The following ARSB variants were observed in gnomAD, a reference collection of about 807,000 sequenced individuals.
ARSB encodes the protein N-acetylgalactosamine-4-sulfatase.
Under a neutral mutation model 50.9 loss-of-function variants are expected in ARSB, and 41 were observed. That is an observed-to-expected ratio of 0.81 (90% CI 0.63 to 1.04). The LOEUF is 1.04. Among genes scored for constraint, ARSB ranks in the 50% least tolerant of loss-of-function variants. The pLI is 0.00. For missense variants in ARSB, 672 were observed against 693.3 expected (o/e 0.97, Z 0.35); for synonymous variants, 269 against 284.8 (o/e 0.94, Z 0.56).
At chr5:78,962,588 T>C (rs3822576) in intron 3 of ARSB, among the ~76,000 whole-genome samples, 38,375 of 144,726 alleles carry the variant, frequency 0.27, 6,200 homozygotes, top group African/African-American at 0.47. Context: ...AGTGTAGTGG[T>C]GCGATCTCGG....
At chr5:78,937,997 A>G (rs1461295092) in intron 4 of ARSB, among the ~76,000 whole-genome samples, 1 of 152,166 alleles carries the variant, frequency 6.6e-6, no homozygotes, top group Non-Finnish European at 1.5e-5. Context: ...CTGTGGCCCA[A>G]CTCATGGTTT....
chr5:78,879,232 T>C (rs17819273), intron 5 of ARSB, among the ~76,000 whole-genome samples: 3,968 of 152,332 alleles, frequency 0.026, 118 homozygotes, highest in South Asian at 0.11. Flanking sequence ...TTGGTTTTCC[T>C]TTTTGTCAAT....
At chr5:78,944,098 G>A (rs983186649) in intron 4 of ARSB, among the ~76,000 whole-genome samples, 88 of 152,280 alleles carry the variant, frequency 5.8e-4, no homozygotes, top group Non-Finnish European at 9.8e-4. Context: ...CATTCGTCAC[G>A]TAGTTCTCGT....
At chr5:78,908,650 A>G (rs1247329555) in intron 4 of ARSB, among the ~76,000 whole-genome samples, 1 of 151,940 alleles carries the variant, frequency 6.6e-6, no homozygotes, top group African/African-American at 2.4e-5. Context: ...GTCTCCCGGG[A>G]GCCAGTGCTC....
chr5:78,903,442 C>T (rs1561492086), intron 4 of ARSB, among the ~76,000 whole-genome samples: 1 of 152,308 alleles, frequency 6.6e-6, no homozygotes, highest in East Asian at 1.9e-4. Flanking sequence ...TTATCAAAAC[C>T]CAGAGCTTCC....
At position 78,777,499 on chromosome 5, in the gene ARSB, G is replaced by C. The variant is rs1043932199; in HGVS notation, c.*2898C>G. ...ATTTTATTTTGTCCCCCAAATCTGG[G>C]GGGACAAAAGTAACAAAGAAAAATG... On this transcript the variant is annotated 3_prime_UTR_variant, in exon 8 of 8. Transcript: ENST00000264914. 6 of 152,276 alleles carry C rather than the reference G, an allele frequency of 3.9e-5. No individual in the cohort carries two copies. The highest frequency in any genetic ancestry group is 7.4e-5 in the Non-Finnish European group (5 of 67,974). The allele number at this position is 152,276 out of a possible 1,614,324, so 9.4% of individuals were successfully genotyped here.
chr5:78,784,497 G>C (rs1033849870), intron 6 of ARSB, among the ~76,000 whole-genome samples: 1 of 152,172 alleles, frequency 6.6e-6, no homozygotes. Context: ...CCACAAAAAA[G>C]AGTTTGTTGG....
At chr5:78,825,141 T>C (rs1459517709) in intron 6 of ARSB, among the ~76,000 whole-genome samples, 3 of 152,170 alleles carry the variant, frequency 2.0e-5, no homozygotes, top group Non-Finnish European at 4.4e-5. Context: ...CACCAAGTTA[T>C]CTAAAAGCAA....
rs1749895930 is a variant in ARSB, at chr5:78,922,991, T to A, written c.898+32304A>T. On this transcript the variant is annotated intron_variant, in intron 4 of 7. Transcript: ENST00000264914. ...GTTGGTCAGGACAAGGGAGTCAGTA[T>A]GAACATGTGACTATAAGGAAACGCT... 3.3e-5 allele frequency among the ~76,000 whole-genome samples: 5 copies of A among 152,154 alleles called. No homozygotes were observed. In the South Asian group the frequency reaches 1.0e-3, roughly 32 times the overall value.
intron 4 of ARSB, among the ~76,000 whole-genome samples, chr5:78,891,335 C>T (rs1748282151): frequency 6.6e-6 from 1 of 152,154 alleles, no homozygotes; most frequent in Non-Finnish European, 1.5e-5. Flanking sequence ...TAAATCAAAC[C>T]CTCAAATATC....
At chr5:78,863,642 G>T (rs1746561143) in intron 5 of ARSB, among the ~76,000 whole-genome samples, 2 of 152,034 alleles carry the variant, frequency 1.3e-5, no homozygotes, top group Admixed American at 6.5e-5. Flanking sequence ...GGCATTAAGA[G>T]AAATACCTAT....
At chr5:78,937,671 C>T (rs1750698022) in intron 4 of ARSB, among the ~76,000 whole-genome samples, 1 of 151,286 alleles carries the variant, frequency 6.6e-6, no homozygotes, top group African/African-American at 2.4e-5. Context: ...TTTCCTTCGA[C>T]TCTGGGATTA....
At chr5:78,868,951 T>C (rs1746965411) in intron 5 of ARSB, among the ~76,000 whole-genome samples, 1 of 151,412 alleles carries the variant, frequency 6.6e-6, no homozygotes, top group South Asian at 2.1e-4. Context: ...AGGCTCAAAA[T>C]GAAAGGAAGG....
At chr5:78,867,220 A>C (rs985415570) in intron 5 of ARSB, among the ~76,000 whole-genome samples, 1 of 152,186 alleles carries the variant, frequency 6.6e-6, no homozygotes, top group African/African-American at 2.4e-5. Flanking sequence ...TCAAACTGCA[A>C]GGCGGCAGCG....
chr5:78,941,147 T>C (rs1750899256), intron 4 of ARSB, among the ~76,000 whole-genome samples: 1 of 151,106 alleles, frequency 6.6e-6, no homozygotes, highest in Admixed American at 6.6e-5. Flanking sequence ...ATCCTGAGAC[T>C]TTGCTGAAGT....
At chr5:78,806,990 C>T (rs979604494) in intron 6 of ARSB, among the ~76,000 whole-genome samples, 1 of 152,230 alleles carries the variant, frequency 6.6e-6, no homozygotes, top group Non-Finnish European at 1.5e-5. Flanking sequence ...TTTCCTGCAA[C>T]CATATCTGTG....
chr5:78,944,956 C>T (rs1024312121), intron 4 of ARSB, among the ~76,000 whole-genome samples: 3 of 152,180 alleles, frequency 2.0e-5, no homozygotes, highest in African/African-American at 7.2e-5. Context: ...ACTTTGTTTA[C>T]CTACTCAAGC....
At chr5:78,972,800 T>C (rs937144094) in intron 1 of ARSB, among the ~76,000 whole-genome samples, 3 of 152,190 alleles carry the variant, frequency 2.0e-5, no homozygotes, top group African/African-American at 4.8e-5. Context: ...AGAGATGTTG[T>C]GTGATTTGGT....
intron 4 of ARSB, among the ~76,000 whole-genome samples, chr5:78,916,190 T>C (rs1324084642): frequency 2.0e-5 from 3 of 152,242 alleles, no homozygotes; most frequent in Admixed American, 6.5e-5. Context: ...CTTACATTTC[T>C]TTTAAGGCTC....
Sources: gnomAD v4.1 joint callset for allele counts (sites outside exome capture counted in the v4.1 genomes callset) on GRCh38, gnomAD v4.1.1 for gene constraint, MANE v1.5 for transcripts, NCBI Gene and HGNC (gene_info 2026-07-23, HGNC 2026-07-21) for gene names.